The following FAM228B variants were observed in gnomAD, a reference collection of about 807,000 sequenced individuals.
FAM228B encodes the protein protein FAM228B.
In FAM228B, 38 loss-of-function variants were observed where a neutral mutation model predicts 42.6. That is an observed-to-expected ratio of 0.89 (90% CI 0.69 to 1.17). The LOEUF is 1.17. FAM228B is among the 50% of genes most tolerant of loss of function. The pLI is 0.00. For synonymous variants in FAM228B, 109 were observed against 122.3 expected, an observed-to-expected ratio of 0.89 and a Z score of 0.72; for missense variants, 344 against 367.3, an observed-to-expected ratio of 0.94 and a Z score of 0.52.
chr2:24,122,244 A>G (rs1347185930), upstream of FAM228B, among the ~76,000 whole-genome samples: 1 of 152,016 alleles, frequency 6.6e-6, no homozygotes, highest in Non-Finnish European at 1.5e-5. Context: ...AGGCTCAAGA[A>G]TCGCTTGAGA....
At chr2:24,118,407 T>C (rs1381588236) in intron 3 of FAM228B, among the ~76,000 whole-genome samples, 1 of 152,236 alleles carries the variant, frequency 6.6e-6, no homozygotes, top group Non-Finnish European at 1.5e-5. Flanking sequence ...CTCTGGCGCC[T>C]TCCCTGACTC....
chr2:24,152,615 C>T (rs1358967319), intron 7 of FAM228B, among the ~76,000 whole-genome samples: 1 of 152,224 alleles, frequency 6.6e-6, no homozygotes, highest in African/African-American at 2.4e-5. Context: ...TTACCCCCAC[C>T]TTCTCCCAAA....
intron 2 of FAM228B, among the ~76,000 whole-genome samples, chr2:24,126,462 C>T (rs964203079): frequency 6.6e-6 from 1 of 152,152 alleles, no homozygotes; most frequent in African/African-American, 2.4e-5. Flanking sequence ...CTTTTCAAGT[C>T]TTACTTGCCA....
chr2:24,145,782 G>A (rs1028635565), intron 5 of FAM228B, among the ~76,000 whole-genome samples: 1 of 149,224 alleles, frequency 6.7e-6, no homozygotes, highest in Non-Finnish European at 1.5e-5. Context: ...TCCACCTCCC[G>A]GGTTCATGGC....
At chr2:24,097,344 A>G (rs967708407) in intron 3 of FAM228B, 2 of 151,836 alleles carry the variant, frequency 1.3e-5, no homozygotes, top group African/African-American at 4.8e-5. Flanking sequence ...TTGGATAAAG[A>G]GTCAAGACCC....
intron 2 of FAM228B, among the ~76,000 whole-genome samples, chr2:24,094,956 C>T (rs1665465896): frequency 6.6e-6 from 1 of 152,082 alleles, no homozygotes; most frequent in South Asian, 2.1e-4. Flanking sequence ...ATTAGCCTGG[C>T]GTGGTGGCAC....
chr2:24,166,900 G>A (rs897275137), intron 9 of FAM228B, among the ~76,000 whole-genome samples: 7 of 152,078 alleles, frequency 4.6e-5, no homozygotes, highest in African/African-American at 1.4e-4. Context: ...TGAGGCTGGT[G>A]TGTTCAGGAA....
intron 1 of FAM228B, among the ~76,000 whole-genome samples, chr2:24,123,775 A>G (rs1295645089): frequency 6.6e-6 from 1 of 151,622 alleles, no homozygotes; most frequent in East Asian, 2.0e-4. Context: ...TGGAGGCCGC[A>G]GGCGCCCGGC....
At chr2:24,114,026 G>C (rs940113605) in intron 3 of FAM228B, among the ~76,000 whole-genome samples, 3 of 152,178 alleles carry the variant, frequency 2.0e-5, no homozygotes, top group Non-Finnish European at 4.4e-5. Context: ...GCTCAGAAAA[G>C]GAATGATGTT....
upstream of FAM228B, among the ~76,000 whole-genome samples, chr2:24,118,837 G>A (rs1666008571): frequency 6.6e-6 from 1 of 152,184 alleles, no homozygotes; most frequent in Non-Finnish European, 1.5e-5. Flanking sequence ...TTGAATGAAT[G>A]AATGAATGAA....
intron 3 of FAM228B, among the ~76,000 whole-genome samples, chr2:24,104,392 C>G (rs1402503648): frequency 6.6e-6 from 1 of 152,214 alleles, no homozygotes; most frequent in African/African-American, 2.4e-5. Context: ...AGCGCCGAAG[C>G]CCCAGCAAAG....
At chr2:24,117,749 T>C (rs1453076182) in intron 3 of FAM228B, among the ~76,000 whole-genome samples, 2 of 152,206 alleles carry the variant, frequency 1.3e-5, no homozygotes, top group Admixed American at 1.3e-4. Flanking sequence ...GGCCTGTAAT[T>C]CTTTACTTCC....
At chr2:24,110,804 G>T (rs1006608720) in intron 3 of FAM228B, among the ~76,000 whole-genome samples, 4 of 152,194 alleles carry the variant, frequency 2.6e-5, no homozygotes, top group Non-Finnish European at 4.4e-5. Flanking sequence ...CAGAAGTGTG[G>T]GTAGTGCGGG....
intron 3 of FAM228B, among the ~76,000 whole-genome samples, chr2:24,112,003 A>G (rs1665804401): frequency 6.6e-6 from 1 of 152,256 alleles, no homozygotes; most frequent in African/African-American, 2.4e-5. Context: ...GGAAATAATC[A>G]GAGATACAAA....
rs1666197112 is a variant in FAM228B, at chr2:24,123,502, G to A, written c.-64G>A. ...TGTGGAACCCGCGGCGCAGGGGGCG[G>A]AGTGCTCGCGCGGCGCTGCGTCCGG... is the stretch of plus-strand genomic sequence containing the variant. On this transcript the variant is annotated 5_prime_UTR_variant, in exon 1 of 11. Transcript: ENST00000615575. 1 of 152,176 alleles carries A rather than the reference G, an allele frequency of 6.6e-6. No individual in the cohort carries two copies. The highest frequency in any genetic ancestry group is 1.5e-5 in the Non-Finnish European group (1 of 68,036). The allele number at this position is 152,176 out of a possible 1,614,324, so 9.4% of individuals were successfully genotyped here. A position where few individuals can be genotyped will look rare whatever the true frequency, so the allele number is the denominator to read the frequency against.
chr2:24,083,709 T>G (rs1440229377), intron 2 of FAM228B, among the ~76,000 whole-genome samples: 2 of 152,110 alleles, frequency 1.3e-5, no homozygotes, highest in Admixed American at 6.6e-5. Flanking sequence ...CAGAAGAAAA[T>G]TCTTAAGAGT....
chr2:24,156,501 G>T (rs1036172217), intron 7 of FAM228B, among the ~76,000 whole-genome samples: 2 of 152,122 alleles, frequency 1.3e-5, no homozygotes, highest in African/African-American at 4.8e-5. Context: ...AGGCATGGTG[G>T]CACAAACCAG....
At chr2:24,155,655 C>T (rs1667125165) in intron 7 of FAM228B, among the ~76,000 whole-genome samples, 1 of 149,858 alleles carries the variant, frequency 6.7e-6, no homozygotes, top group African/African-American at 2.5e-5. Context: ...ATTCTCCTGC[C>T]TCAGCCTCCC....
intron 7 of FAM228B, 145 bp from the exon 8 acceptor site, chr2:24,161,361 G>A (rs1667281344): frequency 3.5e-6 from 2 of 574,550 alleles, no homozygotes; most frequent in African/African-American, 3.8e-5. Flanking sequence ...TGAAGTGGGA[G>A]AGATCCCTTG....
Sources: gnomAD v4.1 joint callset for allele counts (sites outside exome capture counted in the v4.1 genomes callset) on GRCh38, gnomAD v4.1.1 for gene constraint, MANE v1.5 for transcripts, NCBI Gene and HGNC (gene_info 2026-07-23, HGNC 2026-07-21) for gene names.